The following SCPEP1 variants were observed in gnomAD, a reference collection of about 807,000 sequenced individuals.
SCPEP1 encodes retinoid-inducible serine carboxypeptidase.
SCPEP1 carries 51 observed loss-of-function variants against 63.8 expected under a neutral mutation model. That is an observed-to-expected ratio of 0.80 (90% confidence interval 0.64 to 1.01). The LOEUF is 1.01. SCPEP1 is among the 50% of genes least tolerant of loss of function. SCPEP1 has a pLI of 0.00. For missense variants in SCPEP1, 499 were observed against 554.9 expected, an observed-to-expected ratio of 0.90 and a Z score of 1.01; for synonymous variants, 204 against 207.8, an observed-to-expected ratio of 0.98 and a Z score of 0.16.
In SCPEP1 at chr17:56,985,464, C is replaced by G. The variant is rs755727832; in HGVS notation, c.312C>G (p.Thr104=). 3.1e-6 allele frequency: 5 copies of G among 1,612,734 alleles called. No individual in the cohort carries two copies. The highest frequency in any genetic ancestry group is 3.4e-6 in the Non-Finnish European group (4 of 1,178,838). Residue 104 remains threonine (T), a synonymous_variant, in exon 3 of 13, where the codon ACC becomes ACG. Coordinates refer to ENST00000262288, the MANE Select transcript of SCPEP1 (RefSeq NM_021626.3). ...GTGATCTCAAACCACGGAAAACCACCTGGGTACAGTGAGGACAGTCCTGAG... is the reference window on the plus strand; with the variant it reads ...GTGATCTCAAACCACGGAAAACCACGTGGGTACAGTGAGGACAGTCCTGAG... ...LDSDLKPRKT[T]WLQAASLLFV...
At chr17:56,995,806 C>G (rs1911531913) in intron 8 of SCPEP1, 171 bp downstream of exon 8, 1 of 578,618 alleles carries the variant, frequency 1.7e-6, no homozygotes, top group South Asian at 6.4e-5. Flanking sequence ...TGTAGTGGCT[C>G]CTTACAGAGT....
In SCPEP1 at chr17:56,986,536, G is replaced by GTT. The variant is rs113648747; in HGVS notation, c.315+1079_315+1080dup. Among the ~76,000 whole-genome samples, 49 of 136,626 alleles carry GTT rather than the reference G, an allele frequency of 3.6e-4. 1 individual carries two copies. The highest frequency in any genetic ancestry group is 1.2e-3 in the African/African-American group (43 of 37,354). The allele number at this position is 136,626 out of a possible 152,430, so 89.6% of individuals were successfully genotyped here. ...CCCGGCCACTTTCTGGTCTTTCTTT[G>GTT]TTTTTTTTTTTCTGTTTTTTTGTTT... On this transcript the variant is annotated intron_variant, in intron 3 of 12. Transcript: ENST00000262288.
intron 10 of SCPEP1, among the ~76,000 whole-genome samples, chr17:57,000,033 T>G (rs1911692446): frequency 1.3e-5 from 2 of 148,946 alleles, no homozygotes; most frequent in African/African-American, 5.0e-5. Context: ...ATCTGTAGTC[T>G]CAGCTACTTG....
chr17:56,997,121 TAAAA>T, intron 9 of SCPEP1, 66 bp downstream of exon 9: 1 of 726,698 alleles, frequency 1.4e-6, no homozygotes, highest in Non-Finnish European at 2.1e-6. Context: ...ACCTGTTTAT[TAAAA>T]AAAAAAAAAA....
rs376455564 is a variant in SCPEP1 at position 56,988,202 on chromosome 17, C to T, written c.472-14C>T. On this transcript the variant is annotated splice_polypyrimidine_tract_variant and intron_variant, in intron 4 of 12. Transcript: ENST00000262288. ...TCAAGGTAGTTAATTCTGTGTAATT[C>T]CTTTTCTTGCTAGACAGTTCCATTC... is the stretch of plus-strand genomic sequence containing the variant. The T allele has an allele frequency of 7.8e-6, 12 of 1,542,180 alleles. No homozygotes were observed. In the South Asian group the frequency reaches 1.2e-4, roughly 15 times the overall value.
rs371494526 is a variant in SCPEP1 at position 57,006,258 on chromosome 17, C to T, written c.*23C>T. 2 of 1,600,152 alleles carry T rather than the reference C, an allele frequency of 1.2e-6. No individual in the cohort carries two copies. The highest frequency in any genetic ancestry group is 1.7e-6 in the Non-Finnish European group (2 of 1,172,290). ...TAGGATGGATGGGGCTGGAGATGAG[C>T]TGGTTTGGCCTTGGGGCACAGAGCT... On this transcript the variant is annotated 3_prime_UTR_variant, in exon 13 of 13. Transcript: ENST00000262288.
Position 56,981,206 on chromosome 17 carries a change from A to T in SCPEP1, c.201A>T (p.Glu67Asp), listed in dbSNP as rs763215313. The part of the protein sequence containing the change: ...YATNSCKNFS[E>D]LPLVMWLQGG... Reference sequence around the variant, plus strand: ...CCAACTCCTGCAAGAACTTCTCAGAACTGCCCCTGGTCATGTGGCTTCAGG... The same window carrying T: ...CCAACTCCTGCAAGAACTTCTCAGATCTGCCCCTGGTCATGTGGCTTCAGG... The change falls in exon 2 of 13, where the codon GAA becomes GAT. Residue 67 changes from glutamate (E) to aspartate (D), a missense_variant. Glu to Asp is a conservative substitution (Grantham distance 45). Transcript: ENST00000262288. 19 of 1,614,132 alleles carry T rather than the reference A, an allele frequency of 1.2e-5. No individual in the cohort carries two copies. Among genetic ancestry groups the T allele is most frequent in the Non-Finnish European group, 1.6e-5 (19 of 1,180,012 alleles).
intron 1 of SCPEP1, among the ~76,000 whole-genome samples, chr17:56,978,942 C>T (rs1473121228): frequency 6.6e-6 from 1 of 152,198 alleles, no homozygotes; most frequent in Non-Finnish European, 1.5e-5. Flanking sequence ...GCCAATTTTA[C>T]CAGTAGTCAC....
intron 5 of SCPEP1, 69 bp downstream of exon 5, chr17:56,988,359 C>A: frequency 8.5e-7 from 1 of 1,180,050 alleles, no homozygotes; most frequent in South Asian, 1.3e-5. Context: ...TATGTACTCA[C>A]GTGCTATTAA....
intron 2 of SCPEP1, among the ~76,000 whole-genome samples, 193 bp downstream of exon 2, chr17:56,981,423 G>A (rs1231830172): frequency 6.6e-6 from 1 of 152,174 alleles, no homozygotes; most frequent in Non-Finnish European, 1.5e-5. Flanking sequence ...GAGGGCGAGG[G>A]GGTTCTAGCC....
At chr17:57,004,250 C>T (rs1911822222) in intron 12 of SCPEP1, among the ~76,000 whole-genome samples, 1 of 152,164 alleles carries the variant, frequency 6.6e-6, no homozygotes, top group Admixed American at 6.5e-5. Flanking sequence ...ATCAACTGGG[C>T]GCGGTGGCGC....
intron 7 of SCPEP1, 105 bp from the exon 8 acceptor site, chr17:56,995,402 G>A (rs1352435851): frequency 5.7e-6 from 7 of 1,236,344 alleles, no homozygotes; most frequent in Non-Finnish European, 8.0e-6. Context: ...GTGAGCTCCC[G>A]TTCTCCTTCC....
chr17:56,982,519 G>T (rs1380310928), intron 2 of SCPEP1, among the ~76,000 whole-genome samples: 1 of 152,186 alleles, frequency 6.6e-6, no homozygotes, highest in Non-Finnish European at 1.5e-5. Flanking sequence ...ATGTCAGCCT[G>T]GGGAGCCCTG....
chr17:57,006,095 A>G (rs139944526), intron 12 of SCPEP1, 78 bp from the exon 13 acceptor site: 39 of 1,183,610 alleles, frequency 3.3e-5, no homozygotes, highest in Non-Finnish European at 4.4e-5. Context: ...TTTGGGAGCA[A>G]GGTTTCAGGA....
At chr17:56,991,876 C>T (rs745923741) in intron 6 of SCPEP1, among the ~76,000 whole-genome samples, 11 of 152,216 alleles carry the variant, frequency 7.2e-5, no homozygotes, top group African/African-American at 9.7e-5. Flanking sequence ...TCAGGAGATG[C>T]TAGTAGCACC....
intron 5 of SCPEP1, 44 bp downstream of exon 5, chr17:56,988,334 C>A: frequency 1.4e-6 from 2 of 1,450,556 alleles, no homozygotes; most frequent in South Asian, 1.2e-5. Flanking sequence ...GACAGAAAAT[C>A]AATTATGTTA....
chr17:56,991,102 A>G lies in SCPEP1; in HGVS notation c.550A>G (p.Ile184Val). 1.2e-6 allele frequency: 2 copies of G among 1,613,648 alleles called. No individual in the cohort carries two copies. Among genetic ancestry groups the G allele is most frequent in the African/African-American group, 1.3e-5 (1 of 74,998 alleles). The change falls in exon 6 of 13, where the codon ATT (isoleucine) becomes GTT (valine). Residue 184 changes from isoleucine (I) to valine (V), a missense_variant. By Grantham distance (29) the Ile-to-Val change is conservative. Coordinates refer to ENST00000262288, the MANE Select transcript of SCPEP1 (RefSeq NM_021626.3). ...CGTTTCTTGTTTCCTCTTTCAGGCC[A>G]TTCAGCGAGGGACCATCAAGTGCAA... is the stretch of plus-strand genomic sequence containing the variant. ...AGIGLELYKA[I>V]QRGTIKCNFA...
intron 12 of SCPEP1, among the ~76,000 whole-genome samples, chr17:57,005,137 G>A (rs760460129): frequency 5.3e-5 from 8 of 152,240 alleles, no homozygotes; most frequent in Non-Finnish European, 1.2e-4. Flanking sequence ...CATTTTGAAT[G>A]CAGCCGCCCA....
At chr17:57,000,815 G>C in intron 10 of SCPEP1, 40 bp from the exon 11 acceptor site, 1 of 1,612,542 alleles carries the variant, frequency 6.2e-7, no homozygotes, top group East Asian at 2.2e-5. Context: ...TGTTTTGGCA[G>C]ATTCCAAGCT....
Sources: gnomAD v4.1 joint callset for allele counts (sites outside exome capture counted in the v4.1 genomes callset) on GRCh38, gnomAD v4.1.1 for gene constraint, MANE v1.5 for transcripts, NCBI Gene and HGNC (gene_info 2026-07-23, HGNC 2026-07-21) for gene names.